Variants in UGGT2 observed in about 807,000 individuals in gnomAD.
UGGT2 encodes UDP-glucose glycoprotein glucosyltransferase 2.
In UGGT2, 180 loss-of-function variants were observed where a neutral mutation model predicts 192.1. That is an observed-to-expected ratio of 0.94 (90% CI 0.83 to 1.06). The LOEUF (loss-of-function observed/expected upper bound fraction) is 1.06. Ranked by LOEUF, UGGT2 falls within the 50% of genes least tolerant of loss-of-function variation. The pLI, the probability that UGGT2 is intolerant of heterozygous loss-of-function variation, is 0.00. For synonymous variants in UGGT2, 580 were observed against 591.0 expected (o/e 0.98, Z 0.27); for missense variants, 1,849 against 1,795.7 (o/e 1.03, Z -0.54).
In UGGT2 at chr13:95,930,526, C is replaced by T. The variant is rs558834641; in HGVS notation, c.1978-3190G>A. 7.9e-5 allele frequency among the ~76,000 whole-genome samples: 12 copies of T among 152,252 alleles called. No homozygotes were observed. The East Asian group carries it at 2.3e-3, about 29-fold the overall frequency. ...CATTTATTGAATCGAGGACCCTTTT[C>T]CCACTAATTTTCATCAACTTTTCAA... On this transcript the variant is annotated intron_variant, in intron 17 of 38. Coordinates refer to ENST00000376747, the MANE Select transcript of UGGT2 (RefSeq NM_020121.4).
intron 30 of UGGT2, among the ~76,000 whole-genome samples, chr13:95,866,997 AT>A (rs1380042679): frequency 6.6e-6 from 1 of 152,070 alleles, no homozygotes; most frequent in East Asian, 1.9e-4. Context: ...TTCTCTCCCA[AT>A]TTAAAAAACA....
chr13:95,875,691 C>A (rs895547631), intron 29 of UGGT2, among the ~76,000 whole-genome samples: 3 of 152,162 alleles, frequency 2.0e-5, no homozygotes, highest in Non-Finnish European at 4.4e-5. Flanking sequence ...TATATCATCT[C>A]TAATGTCAAT....
chr13:95,933,665 T>C (rs919255635), intron 17 of UGGT2, among the ~76,000 whole-genome samples: 2 of 144,248 alleles, frequency 1.4e-5, no homozygotes, highest in Non-Finnish European at 3.1e-5. Context: ...TATTTTGAGA[T>C]AGTTCTAAAT....
intron 36 of UGGT2, among the ~76,000 whole-genome samples, chr13:95,847,493 T>C (rs1259037997): frequency 6.6e-6 from 1 of 152,206 alleles, no homozygotes; most frequent in East Asian, 1.9e-4. Flanking sequence ...CAACCACTTA[T>C]CTTTATACTG....
intron 2 of UGGT2, among the ~76,000 whole-genome samples, chr13:96,024,697 C>G (rs1445946396): frequency 4.6e-5 from 7 of 152,146 alleles, no homozygotes. Flanking sequence ...CATCTTGGCA[C>G]TGGGTTATCA....
intron 14 of UGGT2, 74 bp downstream of exon 14, chr13:95,947,922 A>T: frequency 7.8e-7 from 1 of 1,284,460 alleles, no homozygotes; most frequent in Non-Finnish European, 1.1e-6. Flanking sequence ...CCCTATTAAT[A>T]CTCTGTGTAA....
At position 95,986,421 on chromosome 13, in the gene UGGT2, GA is replaced by G; in HGVS notation, c.942del (p.Gln315LysfsTer6). The G allele has an allele frequency of 6.3e-7, 1 of 1,595,658 alleles. No individual in the cohort carries two copies. The highest frequency in any genetic ancestry group is 8.6e-7 in the Non-Finnish European group (1 of 1,165,878). ...LKVWELQDLS[F>X]QAASQIMSAP... ...GCGGACATTATTTGAGAAGCTGCTTGAAAACTAAGATCTGGAAGGAAAAATA... is the reference window on the plus strand; with the variant it reads ...GCGGACATTATTTGAGAAGCTGCTTGAAACTAAGATCTGGAAGGAAAAATA... On this transcript the variant is annotated frameshift_variant, in exon 9 of 39. Coordinates refer to ENST00000376747, the MANE Select transcript of UGGT2 (RefSeq NM_020121.4). LOFTEE classifies it high-confidence loss of function.
At chr13:95,865,987 G>C (rs775019201) in intron 30 of UGGT2, among the ~76,000 whole-genome samples, 28 of 152,110 alleles carry the variant, frequency 1.8e-4, no homozygotes, top group Non-Finnish European at 3.2e-4. Flanking sequence ...GAGTGGCAAA[G>C]CCAGTTTTAA....
In UGGT2 at chr13:95,854,381, T is replaced by C. The variant is rs780502357; in HGVS notation, c.4103A>G (p.Asp1368Gly). ...TCCTGTTTTCCAGAAACGATATCCATCCATTTCCCTGCGGCTATCACAAAA... is the reference window on the plus strand; with the variant it reads ...TCCTGTTTTCCAGAAACGATATCCACCCATTTCCCTGCGGCTATCACAAAA... Reference protein sequence around the residue: ...TPFCDSRREMDGYRFWKTGYW... With the variant: ...TPFCDSRREMGGYRFWKTGYW... The change falls in exon 35 of 39, where the codon GAT becomes GGT. Residue 1368 changes from aspartate to glycine, a missense_variant. Asp to Gly is a moderately conservative substitution (Grantham distance 94). Coordinates refer to ENST00000376747, the MANE Select transcript of UGGT2 (RefSeq NM_020121.4). The C allele has an allele frequency of 6.2e-7, 1 of 1,613,868 alleles. No individual in the cohort carries two copies.
At chr13:95,909,994 C>A (rs916351351) in intron 20 of UGGT2, among the ~76,000 whole-genome samples, 16 of 151,976 alleles carry the variant, frequency 1.1e-4, no homozygotes, top group African/African-American at 3.4e-4. Context: ...CCAAACTAAT[C>A]TTCATAAGTG....
At chr13:96,012,702 A>AAGCAT (rs1474614597) in intron 5 of UGGT2, among the ~76,000 whole-genome samples, 1 of 151,772 alleles carries the variant, frequency 6.6e-6, no homozygotes, top group Non-Finnish European at 1.5e-5. Flanking sequence ...AGTAGTAACA[A>AAGCAT]AGCATAGTCC....
chr13:96,027,517 A>G (rs1439488237), intron 2 of UGGT2, among the ~76,000 whole-genome samples: 1 of 152,168 alleles, frequency 6.6e-6, no homozygotes, highest in Non-Finnish European at 1.5e-5. Flanking sequence ...CTTTTACTCA[A>G]TTTTTGACTA....
chr13:95,882,583 A>G lies in UGGT2; in HGVS notation c.3228+1908T>C, dbSNP rs183722019. Among the ~76,000 whole-genome samples the G allele has an allele frequency of 3.2e-3, 483 of 152,306 alleles. 3 individuals are homozygous for G. The highest frequency in any genetic ancestry group is 0.011 in the African/African-American group (461 of 41,578). On this transcript the variant is annotated intron_variant, in intron 27 of 38. Transcript: ENST00000376747. Reference sequence around the variant, plus strand: ...CCTGAGGGGTAGTTAACTTTTACAGATGCTAGAATTTATAATCTCCTTTTG... The same window carrying G: ...CCTGAGGGGTAGTTAACTTTTACAGGTGCTAGAATTTATAATCTCCTTTTG...
At chr13:96,025,738 A>C (rs969384846) in intron 2 of UGGT2, among the ~76,000 whole-genome samples, 1 of 152,172 alleles carries the variant, frequency 6.6e-6, no homozygotes, top group African/African-American at 2.4e-5. Context: ...TCTTGACAAA[A>C]AGCTCAGAAA....
intron 36 of UGGT2, among the ~76,000 whole-genome samples, chr13:95,847,318 C>T (rs1202275056): frequency 1.3e-5 from 2 of 152,074 alleles, no homozygotes; most frequent in East Asian, 3.9e-4. Context: ...TATACTCATT[C>T]AAAGTCTACA....
intron 25 of UGGT2, among the ~76,000 whole-genome samples, chr13:95,889,422 A>C (rs917142087): frequency 4.6e-5 from 7 of 152,152 alleles, no homozygotes; most frequent in Non-Finnish European, 1.0e-4. Flanking sequence ...GGCAGTGCGC[A>C]CTAAATTCTA....
Position 95,996,074 on chromosome 13 carries a change from A to G in UGGT2, c.819T>C (p.Phe273=). ...CCATTCAGACTTACTTTAGTTTCCC[A>G]AAGAGAAATCCTTGAACTTCATTTG... ...TETNEVQGFL[F]GKLKEIYSDL... is the part of the protein sequence containing the mutation. Residue 273 remains phenylalanine, a synonymous_variant, in exon 7 of 39, where the codon TTT becomes TTC. Coordinates refer to ENST00000376747, the MANE Select transcript of UGGT2 (RefSeq NM_020121.4). The G allele has an allele frequency of 6.2e-7, 1 of 1,613,628 alleles. No homozygotes were observed.
chr13:96,049,797 G>A (rs2053431010), intron 1 of UGGT2, among the ~76,000 whole-genome samples: 1 of 152,064 alleles, frequency 6.6e-6, no homozygotes, highest in Non-Finnish European at 1.5e-5. Context: ...TCTTCAAAGA[G>A]AACTACAAAC....
At chr13:95,926,948 A>T in intron 19 of UGGT2, 80 bp downstream of exon 19, 4 of 1,322,894 alleles carry the variant, frequency 3.0e-6, no homozygotes, top group Non-Finnish European at 2.0e-6. Flanking sequence ...AACATATTAA[A>T]ATTTATTATA....
Sources: allele counts gnomAD v4.1 joint callset (sites outside exome capture counted in the v4.1 genomes callset), GRCh38; gene constraint gnomAD v4.1.1; transcripts MANE v1.5; gene names NCBI Gene and HGNC (gene_info 2026-07-23, HGNC 2026-07-21).